The following ABCC12 variants were observed in gnomAD, a reference collection of about 807,000 sequenced individuals.
The protein encoded by ABCC12 is ATP-binding cassette sub-family C member 12.
Under a neutral mutation model 151.1 loss-of-function variants are expected in ABCC12, and 142 were observed. That is an observed-to-expected ratio of 0.94 (90% confidence interval 0.82 to 1.08). The LOEUF is 1.08. ABCC12 is among the 50% of genes least tolerant of loss of function. The pLI is 0.00. For synonymous variants in ABCC12, 645 were observed against 646.4 expected, an observed-to-expected ratio of 1.00 and a Z score of 0.03; for missense variants, 1,638 against 1,691.1, an observed-to-expected ratio of 0.97 and a Z score of 0.55.
Position 48,153,760 on chromosome 16 carries a change from C to T in ABCC12, c.-195G>A, listed in dbSNP as rs998865086. On this transcript the variant is annotated 5_prime_UTR_variant, in exon 2 of 31. Coordinates refer to ENST00000311303, the MANE Select transcript of ABCC12 (RefSeq NM_001393797.1). ...CCTGGCCAGGTTTGAGTAATCAGCG[C>T]GCATAGGAAATTGGTGCTAGAAGGT... 1.3e-5 allele frequency: 2 copies of T among 152,304 alleles called. No individual in the cohort carries two copies. The highest frequency in any genetic ancestry group is 1.9e-4 in the East Asian group (1 of 5,186). 9.4% of individuals were successfully genotyped at this position (152,304 alleles called of 1,614,324 possible). A position where few individuals can be genotyped will look rare whatever the true frequency, so the allele number is the denominator to read the frequency against.
chr16:48,102,356 C>T (rs1261120483), intron 22 of ABCC12, among the ~76,000 whole-genome samples: 1 of 152,248 alleles, frequency 6.6e-6, no homozygotes, highest in Non-Finnish European at 1.5e-5. Flanking sequence ...CCAGAAAATT[C>T]TGTAACTGAG....
intron 12 of ABCC12, among the ~76,000 whole-genome samples, chr16:48,123,949 C>T (rs1265713553): frequency 6.6e-6 from 1 of 152,240 alleles, no homozygotes; most frequent in Non-Finnish European, 1.5e-5. Flanking sequence ...TCTCCTTTGA[C>T]CAAGATGGAG....
intron 21 of ABCC12, 58 bp from the exon 22 acceptor site, chr16:48,104,426 T>G (rs1963415811): frequency 6.6e-7 from 1 of 1,507,546 alleles, no homozygotes; most frequent in African/African-American, 1.4e-5. Flanking sequence ...TAAACCCTGC[T>G]GCTCTGCTGG....
chr16:48,107,523 C>T, intron 19 of ABCC12, 98 bp from the exon 20 acceptor site: 2 of 1,088,218 alleles, frequency 1.8e-6, no homozygotes, highest in Non-Finnish European at 2.8e-6. Flanking sequence ...AATTCAAAAC[C>T]TGCAGGAAAA....
chr16:48,086,616 G>T, intron 28 of ABCC12, 125 bp downstream of exon 28: 1 of 768,938 alleles, frequency 1.3e-6, no homozygotes, highest in Non-Finnish European at 2.3e-6. Flanking sequence ...ACTGACTTAC[G>T]TGGTGTCTAC....
intron 22 of ABCC12, 139 bp from the exon 23 acceptor site, chr16:48,101,148 A>T: frequency 1.9e-6 from 2 of 1,068,712 alleles, no homozygotes; most frequent in Non-Finnish European, 2.6e-6. Context: ...GATGAAGAGC[A>T]GCCTGCCATT....
rs1185197024 is a variant in ABCC12, at chr16:48,140,676, A to G, written c.657+11T>C. ...CATTTTCCAACATTAAACTCCTCTG[A>G]GCCAGCTTACCTCGCCAACAGAGAT... On this transcript the variant is annotated intron_variant, in intron 6 of 30. Transcript: ENST00000311303. 6.2e-7 allele frequency: 1 copy of G among 1,612,676 alleles called. No homozygotes were observed. The highest frequency in any genetic ancestry group is 8.5e-7 in the Non-Finnish European group (1 of 1,178,902).
chr16:48,128,665 C>A lies in ABCC12; in HGVS notation c.1309G>T (p.Ala437Ser). Reference protein sequence around the residue: ...PEDPDTVLLLANATLTWEHEA... With the variant: ...PEDPDTVLLLSNATLTWEHEA... The stretch of plus-strand genomic sequence containing the variant: ...TGCTCCCATGTCAAGGTGGCATTTG[C>A]TAAAAGCAAGACAGTATCTGGGTCT... The change falls in exon 11 of 31, where the codon GCA becomes TCA. Residue 437 changes from alanine to serine, a missense_variant. Physicochemically the swap from Ala to Ser is moderately conservative, Grantham distance 99. Transcript: ENST00000311303. 3.1e-6 allele frequency: 5 copies of A among 1,614,104 alleles called. No homozygotes were observed. The highest frequency in any genetic ancestry group is 4.2e-6 in the Non-Finnish European group (5 of 1,179,980).
Position 48,128,452 on chromosome 16 carries a change from C to T in ABCC12, c.1515+7G>A, listed in dbSNP as rs548214823. 2 of 1,613,306 alleles carry T rather than the reference C, an allele frequency of 1.2e-6. No individual in the cohort carries two copies. The highest frequency in any genetic ancestry group is 1.7e-5 in the Admixed American group (1 of 59,990). ...CTGGAGGCCACACCTGTGCAACACA[C>T]ACCCACCTTTCTCACCACAAAGCTT... is the stretch of plus-strand genomic sequence containing the variant. On this transcript the variant is annotated splice_region_variant and intron_variant, in intron 11 of 30. Transcript: ENST00000311303.
chr16:48,099,390 C>G (rs1473702779), intron 23 of ABCC12, among the ~76,000 whole-genome samples: 1 of 152,144 alleles, frequency 6.6e-6, no homozygotes, highest in African/African-American at 2.4e-5. Context: ...GAGCAAGACT[C>G]TGTCTCAAAA....
intron 20 of ABCC12, 136 bp from the exon 21 acceptor site, chr16:48,105,472 A>G: frequency 1.1e-6 from 1 of 896,886 alleles, no homozygotes; most frequent in Middle Eastern, 3.4e-4. Flanking sequence ...AGGTGGATAC[A>G]ATCTAGTCTG....
chr16:48,127,436 C>T (rs1964276790), intron 11 of ABCC12, among the ~76,000 whole-genome samples: 1 of 152,178 alleles, frequency 6.6e-6, no homozygotes, highest in African/African-American at 2.4e-5. Context: ...AACAAACAGA[C>T]TCTGGCTGGC....
chr16:48,151,628 AT>A (rs761080867), intron 2 of ABCC12, among the ~76,000 whole-genome samples: 1 of 152,046 alleles, frequency 6.6e-6, no homozygotes, highest in African/African-American at 2.4e-5. Flanking sequence ...TATCTTTGCA[AT>A]TTTTTTTGTA....
rs377289655 is a variant in ABCC12, at chr16:48,150,116, G to C, written c.-51+3500C>G. ...CCCTGGAGAAAGCCTGCCTGTTCAA[G>C]CAGTCAGATACAGAGTGGCCACTAA... On this transcript the variant is annotated intron_variant, in intron 2 of 30. Transcript: ENST00000311303. Among the ~76,000 whole-genome samples the C allele has an allele frequency of 6.6e-5, 10 of 152,272 alleles. No homozygotes were observed. In the South Asian group the frequency reaches 1.2e-3, roughly 19 times the overall value.
chr16:48,142,113 G>A (rs545938647), intron 4 of ABCC12, among the ~76,000 whole-genome samples: 1 of 152,266 alleles, frequency 6.6e-6, no homozygotes, highest in South Asian at 2.1e-4. Context: ...CCAGTTTTCG[G>A]GCTTGGCCAA....
At position 48,139,175 on chromosome 16, in the gene ABCC12, G is replaced by A; in HGVS notation, c.819C>T (p.Phe273=). Residue 273 remains phenylalanine (F), a synonymous_variant, in exon 7 of 31, where the codon TTC becomes TTT. Transcript: ENST00000311303. The stretch of plus-strand genomic sequence containing the variant: ...AGCCTGCCGTTACCTGGACGGGTAT[G>A]AATATGACATACACTGATATCCCGA... ...ALIGISVYVI[F]IPVQMFMAKL... is the part of the protein sequence containing the mutation. 6.2e-7 allele frequency: 1 copy of A among 1,603,218 alleles called. No individual in the cohort carries two copies. The highest frequency in any genetic ancestry group is 8.5e-7 in the Non-Finnish European group (1 of 1,177,010).
At chr16:48,122,235 G>A (rs1371994322) in intron 12 of ABCC12, among the ~76,000 whole-genome samples, 2 of 152,210 alleles carry the variant, frequency 1.3e-5, no homozygotes, top group Non-Finnish European at 2.9e-5. Flanking sequence ...CCAGGCCCTG[G>A]GAGCAGGGCA....
intron 4 of ABCC12, 71 bp downstream of exon 4, chr16:48,143,839 C>G: frequency 6.6e-7 from 1 of 1,517,158 alleles, no homozygotes; most frequent in Non-Finnish European, 8.9e-7. Flanking sequence ...TTATAAATTA[C>G]CCACTCTCAG....
rs570367244 is a variant in ABCC12, at chr16:48,142,957, C to G, written c.275+953G>C. 9.9e-5 allele frequency among the ~76,000 whole-genome samples: 15 copies of G among 152,244 alleles called. No homozygotes were observed. The South Asian group carries it at 3.1e-3, about 32-fold the overall frequency. ...AGTGAGATTTTCATAGTGCTTGCCT[C>G]CAGGGAGTAGAGCAGGAGCATGGGA... On this transcript the variant is annotated intron_variant, in intron 4 of 30. Coordinates refer to ENST00000311303, the MANE Select transcript of ABCC12 (RefSeq NM_001393797.1).
Sources: gnomAD v4.1 joint callset for allele counts (sites outside exome capture counted in the v4.1 genomes callset) on GRCh38, gnomAD v4.1.1 for gene constraint, MANE v1.5 for transcripts, NCBI Gene and HGNC (gene_info 2026-07-23, HGNC 2026-07-21) for gene names.